Variants in SEMA3G observed in about 807,000 individuals in gnomAD.
SEMA3G encodes semaphorin-3G.
In SEMA3G, 70 loss-of-function variants were observed where a neutral mutation model predicts 86.2. That is an observed-to-expected ratio of 0.81 (90% CI 0.67 to 0.99). SEMA3G has a LOEUF of 0.99. Ranked by LOEUF, SEMA3G falls within the 50% of genes least tolerant of loss-of-function variation. The pLI, the probability that SEMA3G is intolerant of heterozygous loss-of-function variation, is 0.00. For synonymous variants in SEMA3G, 416 were observed against 441.4 expected, an observed-to-expected ratio of 0.94 and a Z score of 0.72; for missense variants, 1,002 against 1,072.4, an observed-to-expected ratio of 0.93 and a Z score of 0.92.
intron 15 of SEMA3G, among the ~76,000 whole-genome samples, chr3:52,436,706 GC>G (rs1456187432): frequency 1.3e-5 from 2 of 152,230 alleles, no homozygotes; most frequent in Non-Finnish European, 2.9e-5. Flanking sequence ...CCCGCCTCTG[GC>G]CTGGACCCTG....
rs1035457139 is a variant in SEMA3G, at chr3:52,433,112, T to C, written c.*2491A>G. On this transcript the variant is annotated 3_prime_UTR_variant, in exon 16 of 16. Coordinates refer to ENST00000231721, the MANE Select transcript of SEMA3G (RefSeq NM_020163.3). ...GCTTTGTACAAAGCCCTCTAACTCC[T>C]TCCTTCCCCTGATACCCATCTTCCT... is the stretch of plus-strand genomic sequence containing the variant. The C allele has an allele frequency of 6.6e-6, 1 of 152,118 alleles. No homozygotes were observed. The highest frequency in any genetic ancestry group is 2.4e-5 in the African/African-American group (1 of 41,432). 9.4% of individuals were successfully genotyped at this position (152,118 alleles called of 1,614,324 possible).
At chr3:52,438,718 C>A (rs1011281425) in intron 13 of SEMA3G, 2 of 985,352 alleles carry the variant, frequency 2.0e-6, no homozygotes, top group African/African-American at 3.5e-5. Flanking sequence ...TGTGACTATC[C>A]CCTTATCTGG....
rs1418833683 is a variant in SEMA3G at position 52,444,582 on chromosome 3, A to C, written c.115+331T>G. Among the ~76,000 whole-genome samples the C allele has an allele frequency of 1.3e-5, 2 of 149,136 alleles. 1 individual carries two copies. Among genetic ancestry groups the C allele is most frequent in the Admixed American group, 1.3e-4 (2 of 15,028 alleles). On this transcript the variant is annotated intron_variant, in intron 1 of 15. Coordinates refer to ENST00000231721, the MANE Select transcript of SEMA3G (RefSeq NM_020163.3). ...CTCGGCACACGCACACAAACACTGC[A>C]CACGCACCCAAACAGGGCACACGCA...
At position 52,435,622 on chromosome 3, in the gene SEMA3G, C is replaced by T. The variant is rs761018113; in HGVS notation, c.2330G>A (p.Arg777Gln). ...RVHAEHNRTP[R>Q]EVEAT ...CCCCTTCTACGTGGCCTCCACCTCC[C>T]GGGGCGTCCGATTGTGCTCGGCATG... The change falls in exon 16 of 16, where the codon CGG becomes CAG. Residue 777 changes from arginine to glutamine, a missense_variant. Transcript: ENST00000231721. The T allele has an allele frequency of 9.9e-6, 16 of 1,612,530 alleles. No homozygotes were observed. The highest frequency in any genetic ancestry group is 6.7e-5 in the African/African-American group (5 of 74,880).
intron 1 of SEMA3G, chr3:52,443,109 T>C (rs1333630159): frequency 4.1e-6 from 6 of 1,446,938 alleles, no homozygotes; most frequent in Non-Finnish European, 5.6e-6. Flanking sequence ...GCCTCCCACC[T>C]GGCCCAGCCT....
chr3:52,442,827 A>C lies in SEMA3G; in HGVS notation c.196T>G (p.Tyr66Asp). 6.2e-7 allele frequency: 1 copy of C among 1,612,982 alleles called. No individual in the cohort carries two copies. Among genetic ancestry groups the C allele is most frequent in the East Asian group, 2.2e-5 (1 of 44,854 alleles). ...CCACCCAGAAAGAGGCGGTCTCGGT[A>C]CTCATCTAGGTACATGGCCTGGAGG... is the stretch of plus-strand genomic sequence containing the variant. ...LNLQAMYLDE[Y>D]RDRLFLGGLD... is the part of the protein sequence containing the mutation. Residue 66 changes from tyrosine to aspartate, a missense_variant, in exon 2 of 16, where the codon TAC (tyrosine) becomes GAC (aspartate). By Grantham distance (160) the Tyr-to-Asp change is radical (BLOSUM62 -3). Transcript: ENST00000231721. The surrounding 1 kb of genome is among the most constrained non-coding windows in gnomAD (Gnocchi z 6.1).
In SEMA3G at chr3:52,440,379, C is replaced by G; in HGVS notation, c.1141G>C (p.Val381Leu). The change falls in exon 10 of 16, where the codon GTG becomes CTG. Residue 381 changes from valine to leucine, a missense_variant and splice_region_variant. Physicochemically the swap from Val to Leu is conservative, Grantham distance 32 (BLOSUM62 1). Coordinates refer to ENST00000231721, the MANE Select transcript of SEMA3G (RefSeq NM_020163.3). ...GGKVPFPRPG[V>L]CPSKMTAQPG... is the part of the protein sequence containing the mutation. ...GCCTGGCCCCAGCAGATACTCACCACGCCAGGGCGAGGGAAGGGCACCTTG... is the reference window on the plus strand; with the variant it reads ...GCCTGGCCCCAGCAGATACTCACCAGGCCAGGGCGAGGGAAGGGCACCTTG... 6.2e-7 allele frequency: 1 copy of G among 1,600,926 alleles called. No individual in the cohort carries two copies. Among genetic ancestry groups the G allele is most frequent in the Non-Finnish European group, 8.5e-7 (1 of 1,175,148 alleles).
rs17052143 is a variant in SEMA3G at position 52,437,869 on chromosome 3, G to A, written c.1738+102C>T. ...CAGAGAGGGAAACTGAGGACTATCCGTCATGACAAGACCAATCTGAGAATG... is the reference window on the plus strand; with the variant it reads ...CAGAGAGGGAAACTGAGGACTATCCATCATGACAAGACCAATCTGAGAATG... On this transcript the variant is annotated intron_variant, in intron 14 of 15. Coordinates refer to ENST00000231721, the MANE Select transcript of SEMA3G (RefSeq NM_020163.3). 2,685 of 1,199,364 alleles carry A rather than the reference G, an allele frequency of 2.2e-3. 36 individuals carry two copies. The African/African-American group carries it at 0.032, about 14-fold the overall frequency. The allele number at this position is 1,199,364 out of a possible 1,614,324, so 74.3% of individuals were successfully genotyped here.
intron 11 of SEMA3G, 38 bp from the exon 12 acceptor site, chr3:52,439,809 G>C: frequency 6.2e-7 from 1 of 1,609,536 alleles, no homozygotes; most frequent in South Asian, 1.1e-5. Flanking sequence ...GACAGGAGGG[G>C]ACAGCCAGAG....
Position 52,440,700 on chromosome 3 carries a change from A to C in SEMA3G, c.998+54T>G. On this transcript the variant is annotated intron_variant, in intron 9 of 15. Transcript: ENST00000231721. ...AGAGAGTACAGTCACAGGTCACCGA[A>C]TCAGGGACAAAGACAGGGGCCCATC... The C allele has an allele frequency of 2.6e-6, 4 of 1,546,128 alleles. No individual in the cohort carries two copies. The South Asian group carries it at 4.7e-5, about 18-fold the overall frequency.
chr3:52,436,754 G>A (rs930554172), intron 15 of SEMA3G, among the ~76,000 whole-genome samples: 5 of 152,212 alleles, frequency 3.3e-5, no homozygotes, highest in African/African-American at 1.2e-4. Flanking sequence ...TGTTGGGGGT[G>A]GATTGCTTGA....
Position 52,442,695 on chromosome 3 carries a change from C to T in SEMA3G, c.276+52G>A. 6.2e-7 allele frequency: 1 copy of T among 1,613,696 alleles called. No individual in the cohort carries two copies. On this transcript the variant is annotated intron_variant, in intron 2 of 15. Coordinates refer to ENST00000231721, the MANE Select transcript of SEMA3G (RefSeq NM_020163.3). The surrounding 1 kb of genome is among the most constrained non-coding windows in gnomAD (Gnocchi z 6.1). ...TCAGTTTCCCCATCTGGCCTCCCAT[C>T]TGGAGGTGCCCAGTTCTCAAACAGA...
intron 10 of SEMA3G, 26 bp downstream of exon 10, chr3:52,440,351 C>T (rs1378129660): frequency 3.8e-6 from 6 of 1,564,422 alleles, no homozygotes; most frequent in Non-Finnish European, 5.2e-6. Context: ...CCTCGCTTCC[C>T]TGGCCTGGCC....
intron 1 of SEMA3G, 141 bp from the exon 2 acceptor site, chr3:52,443,048 G>A (rs1345843528): frequency 1.3e-6 from 2 of 1,536,182 alleles, no homozygotes; most frequent in Non-Finnish European, 1.7e-6. Context: ...CATGGTGCTG[G>A]AAGGCTTTCG....
rs778957358 is a variant in SEMA3G, at chr3:52,440,335, C to T, written c.1143+42G>A. The T allele has an allele frequency of 5.8e-6, 9 of 1,540,222 alleles. No individual in the cohort carries two copies. In the South Asian group the frequency reaches 1.1e-4, roughly 19 times the overall value. ...TCCAAGGAGCCCTTCCCCACATCTGCTCAGGCCTCGCTTCCCTGGCCTGGC... is the reference window on the plus strand; with the variant it reads ...TCCAAGGAGCCCTTCCCCACATCTGTTCAGGCCTCGCTTCCCTGGCCTGGC... On this transcript the variant is annotated intron_variant, in intron 10 of 15. Coordinates refer to ENST00000231721, the MANE Select transcript of SEMA3G (RefSeq NM_020163.3).
chr3:52,441,659 G>T lies in SEMA3G; in HGVS notation c.582C>A (p.Asp194Glu). ...AGATCATGGCCTCTCGCCCCAGGAA[G>T]TCAGCAGTGAGACCCGTGTACAGCT... ...DGELYTGLTADFLGREAMIFR... is the reference protein window; with the variant it reads ...DGELYTGLTAEFLGREAMIFR... Residue 194 changes from aspartate (D) to glutamate (E), a missense_variant, in exon 6 of 16, where the codon GAC (aspartate) becomes GAA (glutamate). Transcript: ENST00000231721. 1.2e-6 allele frequency: 2 copies of T among 1,613,764 alleles called. No individual in the cohort carries two copies. Among genetic ancestry groups the T allele is most frequent in the Non-Finnish European group, 1.7e-6 (2 of 1,179,984 alleles).
At position 52,440,522 on chromosome 3, in the gene SEMA3G, C is replaced by T; in HGVS notation, c.999-1G>A. ...GACGGCGAAGCCCTGGAACACGGCA[C>T]TGCCGGGGCACATGGGACAGTCAGG... On this transcript the variant is annotated splice_acceptor_variant, in intron 9 of 15. Transcript: ENST00000231721. LOFTEE classifies it high-confidence loss of function. 1 of 1,607,084 alleles carries T rather than the reference C, an allele frequency of 6.2e-7. No homozygotes were observed. The highest frequency in any genetic ancestry group is 8.5e-7 in the Non-Finnish European group (1 of 1,177,260).
rs1559609210 is a variant in SEMA3G, at chr3:52,438,066, GTACAGGAGGCA to G, written c.1632_1642del (p.Ala545ProfsTer50). ...CTTGCCAAGGCTGGGGCGGTAGTGG[GTACAGGAGGCA>G]CCATCCCAGGCACAGTATGGGTCCC... is the stretch of plus-strand genomic sequence containing the variant. On this transcript the variant is annotated frameshift_variant, in exon 14 of 16. Coordinates refer to ENST00000231721, the MANE Select transcript of SEMA3G (RefSeq NM_020163.3). LOFTEE classifies it high-confidence loss of function. 6.2e-7 allele frequency: 1 copy of G among 1,613,220 alleles called. No homozygotes were observed. Among genetic ancestry groups the G allele is most frequent in the Non-Finnish European group, 8.5e-7 (1 of 1,180,028 alleles).
rs749310805 is a variant in SEMA3G at position 52,438,015 on chromosome 3, C to G, written c.1694G>C (p.Arg565Pro). The change falls in exon 14 of 16, where the codon CGG (arginine) becomes CCG (proline). Residue 565 changes from arginine to proline, a missense_variant. Transcript: ENST00000231721. ...GCACTGCAGGGCAGGGTTGCCGTGC[C>G]GGATGTCCTGCCGGCGGAACCGGCG... Reference protein sequence around the residue: ...GKRRFRRQDIRHGNPALQCLG... With the variant: ...GKRRFRRQDIPHGNPALQCLG... 1 of 1,613,004 alleles carries G rather than the reference C, an allele frequency of 6.2e-7. No individual in the cohort carries two copies. Among genetic ancestry groups the G allele is most frequent in the Non-Finnish European group, 8.5e-7 (1 of 1,179,970 alleles).
Sources: allele counts gnomAD v4.1 joint callset (sites outside exome capture counted in the v4.1 genomes callset), GRCh38; gene constraint gnomAD v4.1.1; non-coding constraint Gnocchi (gnomAD v3.1); transcripts MANE v1.5; gene names NCBI Gene and HGNC (gene_info 2026-07-23, HGNC 2026-07-21).